PPP3CA: variants seen among roughly 807,000 people sequenced by gnomAD.
PPP3CA encodes CAM-PRP catalytic subunit.
Under a neutral mutation model 66.5 loss-of-function variants are expected in PPP3CA, and 14 were observed. The observed-to-expected ratio is 0.21, with a 90% CI of 0.14 to 0.33. The LOEUF (loss-of-function observed/expected upper bound fraction) is 0.33. Ranked by LOEUF, PPP3CA falls within the 10% of genes least tolerant of loss-of-function variation. The pLI is 1.00. For synonymous variants in PPP3CA, 232 were observed against 226.2 expected, an observed-to-expected ratio of 1.03 and a Z score of -0.23; for missense variants, 317 against 639.5, an observed-to-expected ratio of 0.50 and a Z score of 5.44.
chr4:101,346,925 A>C lies in PPP3CA; in HGVS notation c.-129T>G, dbSNP rs1306503737. The C allele has an allele frequency of 9.3e-7, 1 of 1,077,544 alleles. No homozygotes were observed. The highest frequency in any genetic ancestry group is 1.4e-6 in the Non-Finnish European group (1 of 734,876). 66.7% of individuals were successfully genotyped at this position (1,077,544 alleles called of 1,614,324 possible). Reference sequence around the variant, plus strand: ...GCCGCGCTGCAAACCGCTCGGCTGGAGGTCTAGGCTCTGAGCTGGCTTTAA... The same window carrying C: ...GCCGCGCTGCAAACCGCTCGGCTGGCGGTCTAGGCTCTGAGCTGGCTTTAA... On this transcript the variant is annotated 5_prime_UTR_variant, in exon 1 of 14. Transcript: ENST00000394854.
At chr4:101,117,560 T>G (rs1280488935) in intron 2 of PPP3CA, among the ~76,000 whole-genome samples, 1 of 151,836 alleles carries the variant, frequency 6.6e-6, no homozygotes, top group Non-Finnish European at 1.5e-5. Context: ...CACCAAATAA[T>G]ATTATAATAA....
chr4:101,149,397 T>C (rs1272374931), intron 2 of PPP3CA, among the ~76,000 whole-genome samples: 1 of 152,180 alleles, frequency 6.6e-6, no homozygotes, highest in East Asian at 1.9e-4. Context: ...ATTGGTTTCA[T>C]TCTCTAGCTT....
At chr4:101,273,616 C>G (rs1430391019) in intron 1 of PPP3CA, among the ~76,000 whole-genome samples, 2 of 152,176 alleles carry the variant, frequency 1.3e-5, no homozygotes, top group African/African-American at 4.8e-5. Flanking sequence ...TGAGCCACCA[C>G]ACCTGGCCTT....
At chr4:101,075,154 G>A (rs188334575) in intron 8 of PPP3CA, among the ~76,000 whole-genome samples, 12 of 152,278 alleles carry the variant, frequency 7.9e-5, no homozygotes, top group Admixed American at 5.9e-4. Flanking sequence ...CTTGACAGGT[G>A]GGGATTATTA....
chr4:101,209,564 A>C (rs1725238647), intron 1 of PPP3CA, among the ~76,000 whole-genome samples: 1 of 152,194 alleles, frequency 6.6e-6, no homozygotes, highest in Admixed American at 6.5e-5. Context: ...AAGCCATTTA[A>C]AGTACAATTT....
chr4:101,079,820 C>G (rs1199107120), intron 8 of PPP3CA, among the ~76,000 whole-genome samples: 3 of 152,150 alleles, frequency 2.0e-5, no homozygotes, highest in Non-Finnish European at 4.4e-5. Context: ...CTTCTTTTCC[C>G]TGTAGTAAGT....
At position 101,124,725 on chromosome 4, in the gene PPP3CA, G is replaced by GAAAGAAAA. The variant is rs1412415941; in HGVS notation, c.260-15648_260-15647insTTTTCTTT. ...AGAAAGAAAGAAAGAAAGAAAGAAA[G>GAAAGAAAA]AGAAAGAAAGAAAGAAAGAAAGAAA... On this transcript the variant is annotated intron_variant, in intron 2 of 13. Coordinates refer to ENST00000394854, the MANE Select transcript of PPP3CA (RefSeq NM_000944.5). 4.6e-4 allele frequency among the ~76,000 whole-genome samples: 27 copies of GAAAGAAAA among 58,832 alleles called. 1 individual carries two copies. The highest frequency in any genetic ancestry group is 1.4e-3 in the African/African-American group (25 of 17,522). 38.6% of individuals were successfully genotyped at this position (58,832 alleles called of 152,430 possible).
intron 2 of PPP3CA, among the ~76,000 whole-genome samples, chr4:101,130,923 C>T (rs1419115409): frequency 6.6e-6 from 1 of 152,002 alleles, no homozygotes; most frequent in African/African-American, 2.4e-5. Flanking sequence ...GGCTAAATGC[C>T]CCAATTAAAA....
chr4:101,117,598 T>G (rs1206387015), intron 2 of PPP3CA, among the ~76,000 whole-genome samples: 1 of 151,846 alleles, frequency 6.6e-6, no homozygotes, highest in Non-Finnish European at 1.5e-5. Context: ...GGGTTTATAA[T>G]AGCATCATAG....
Position 101,108,937 on chromosome 4 carries a change from A to G in PPP3CA, c.384+17T>C. On this transcript the variant is annotated intron_variant, in intron 3 of 13. Coordinates refer to ENST00000394854, the MANE Select transcript of PPP3CA (RefSeq NM_000944.5). ...AATCCATAACTGAACAGCAAAGAAG[A>G]CATGATGTAGACTTACTTCAATACT... The G allele has an allele frequency of 6.2e-7, 1 of 1,610,556 alleles. No individual in the cohort carries two copies. The highest frequency in any genetic ancestry group is 8.5e-7 in the Non-Finnish European group (1 of 1,177,796).
At chr4:101,336,450 T>C (rs753397528) in intron 1 of PPP3CA, among the ~76,000 whole-genome samples, 4 of 151,718 alleles carry the variant, frequency 2.6e-5, no homozygotes, top group Non-Finnish European at 5.9e-5. Context: ...CGCATGCCTG[T>C]AGTCCCAGTT....
chr4:101,247,624 C>T lies in PPP3CA; in HGVS notation c.59-51508G>A, dbSNP rs540323285. Among the ~76,000 whole-genome samples the T allele has an allele frequency of 7.7e-3, 1,171 of 152,138 alleles. 13 individuals carry two copies. The highest frequency in any genetic ancestry group is 0.036 in the South Asian group (174 of 4,804). On this transcript the variant is annotated intron_variant, in intron 1 of 13. Transcript: ENST00000394854. Reference sequence around the variant, plus strand: ...TAAGTGATGCAGCTTATTATGTTTTCCCTATACATATTTTTTCATTCAGTT... The same window carrying T: ...TAAGTGATGCAGCTTATTATGTTTTTCCTATACATATTTTTTCATTCAGTT...
At chr4:101,211,109 C>T (rs1725284626) in intron 1 of PPP3CA, among the ~76,000 whole-genome samples, 2 of 152,110 alleles carry the variant, frequency 1.3e-5, no homozygotes, top group South Asian at 2.1e-4. Flanking sequence ...TATTCCAAAA[C>T]CCAGGCACAG....
intron 10 of PPP3CA, among the ~76,000 whole-genome samples, chr4:101,058,699 T>G (rs775543031): frequency 6.6e-5 from 10 of 152,150 alleles, no homozygotes; most frequent in Non-Finnish European, 1.3e-4. Context: ...AACAAATCCT[T>G]TCATGTAAGT....
intron 1 of PPP3CA, among the ~76,000 whole-genome samples, chr4:101,216,876 TA>T (rs1162510137): frequency 2.0e-5 from 3 of 152,064 alleles, no homozygotes; most frequent in African/African-American, 7.2e-5. Context: ...TTCTTACAGT[TA>T]AATAAAATCA....
chr4:101,237,477 T>A (rs1726165728), intron 1 of PPP3CA, among the ~76,000 whole-genome samples: 2 of 152,028 alleles, frequency 1.3e-5, no homozygotes, highest in African/African-American at 4.8e-5. Flanking sequence ...GGCAAACCAG[T>A]AACAAACTTG....
intron 1 of PPP3CA, among the ~76,000 whole-genome samples, chr4:101,281,045 G>A (rs1201623155): frequency 1.3e-5 from 2 of 152,148 alleles, no homozygotes; most frequent in Admixed American, 6.6e-5. Context: ...GTACTCCAGA[G>A]AAGAATGTGT....
chr4:101,040,871 C>G (rs1200020588), intron 10 of PPP3CA, among the ~76,000 whole-genome samples: 5 of 152,096 alleles, frequency 3.3e-5, no homozygotes, highest in Admixed American at 3.3e-4. Context: ...TCCTCCTCTT[C>G]CAATTGACTT....
At chr4:101,099,987 CAGA>C (rs2110255052) in intron 3 of PPP3CA, among the ~76,000 whole-genome samples, 1 of 151,362 alleles carries the variant, frequency 6.6e-6, no homozygotes. Flanking sequence ...ATATGGTCAA[CAGA>C]AGGAGAATTA....
Sources: allele counts gnomAD v4.1 joint callset (sites outside exome capture counted in the v4.1 genomes callset), GRCh38; gene constraint gnomAD v4.1.1; transcripts MANE v1.5; gene names NCBI Gene and HGNC (gene_info 2026-07-23, HGNC 2026-07-21).